The following AKR1E2 variants were observed in gnomAD, a reference collection of about 807,000 sequenced individuals.
The protein encoded by AKR1E2 is 1,5-anhydro-D-fructose reductase.
A neutral mutation model predicts 41.9 loss-of-function variants in AKR1E2; 43 were observed. The observed-to-expected ratio is 1.03, with a 90% CI of 0.80 to 1.32. AKR1E2 has a LOEUF of 1.32. Among genes scored for constraint, AKR1E2 ranks in the 40% most tolerant of loss-of-function variants. AKR1E2 has a pLI of 0.00. For synonymous variants in AKR1E2, 121 were observed against 138.9 expected (o/e 0.87, Z 0.91); for missense variants, 423 against 396.5 (o/e 1.07, Z -0.57).
At chr10:4,847,422 A>T (rs901182279) in intron 9 of AKR1E2, 66 bp from the exon 10 acceptor site, 9 of 1,585,108 alleles carry the variant, frequency 5.7e-6, no homozygotes, top group African/African-American at 1.4e-5. Flanking sequence ...TATACCATTT[A>T]AAATGTTTCT....
At chr10:4,861,559 G>A in the AKR1E2 span, among the ~76,000 whole-genome samples, 2 of 151,958 alleles carry the variant, frequency 1.3e-5, no homozygotes, top group Non-Finnish European at 2.9e-5. Flanking sequence ...ATTAGCGATG[G>A]GGTCTCACCA....
chr10:4,855,639 A>C, the AKR1E2 span, among the ~76,000 whole-genome samples: 1 of 152,202 alleles, frequency 6.6e-6, no homozygotes. Context: ...TGTAATGTTT[A>C]CATACGAAAG....
At chr10:4,843,458 T>C (rs75870775) in intron 8 of AKR1E2, among the ~76,000 whole-genome samples, 5,312 of 152,252 alleles carry the variant, frequency 0.035, 149 homozygotes, top group East Asian at 0.12. Context: ...CATGTCAGCA[T>C]AGGTGTGTGT....
intron 8 of AKR1E2, among the ~76,000 whole-genome samples, chr10:4,845,519 C>CTGCCAGCATGCTGTCA (rs1181525699): frequency 7.1e-6 from 1 of 140,550 alleles, no homozygotes; most frequent in African/African-American, 2.5e-5. Context: ...TCAATGGGGG[C>CTGCCAGCATGCTGTCA]CTGGCCTAAG....
At chr10:4,842,290 A>G (rs1464484898) in intron 7 of AKR1E2, 131 bp from the exon 8 acceptor site, 12 of 731,264 alleles carry the variant, frequency 1.6e-5, no homozygotes, top group Admixed American at 4.6e-5. Flanking sequence ...TGCTCAGTGA[A>G]TGCCAGTAAC....
At chr10:4,841,878 T>C (rs761903803) in intron 7 of AKR1E2, 21 bp downstream of exon 7, 1 of 1,608,684 alleles carries the variant, frequency 6.2e-7, no homozygotes, top group Non-Finnish European at 8.5e-7. Context: ...AGGGCTGTTC[T>C]GAGCCAGGTG....
At chr10:4,861,958 G>A in the AKR1E2 span, among the ~76,000 whole-genome samples, 1 of 152,028 alleles carries the variant, frequency 6.6e-6, no homozygotes, top group Non-Finnish European at 1.5e-5. Context: ...GTCAATTTTG[G>A]CTTTTGTTGC....
the AKR1E2 span, among the ~76,000 whole-genome samples, chr10:4,866,065 C>T: frequency 6.6e-6 from 1 of 152,178 alleles, no homozygotes; most frequent in South Asian, 2.1e-4. Context: ...AAGTTTCTGT[C>T]ATTCAGTTTC....
chr10:4,864,237 C>A, the AKR1E2 span, among the ~76,000 whole-genome samples: 1 of 152,096 alleles, frequency 6.6e-6, no homozygotes, highest in East Asian at 1.9e-4. Flanking sequence ...CCGAATCCAG[C>A]AGCACATCAA....
At chr10:4,840,448 G>A (rs1833786236) in intron 6 of AKR1E2, among the ~76,000 whole-genome samples, 1 of 152,192 alleles carries the variant, frequency 6.6e-6, no homozygotes, top group African/African-American at 2.4e-5. Context: ...CTCCCTCCCT[G>A]GCCCACTCCA....
chr10:4,855,886 A>T, the AKR1E2 span, among the ~76,000 whole-genome samples: 4 of 152,148 alleles, frequency 2.6e-5, no homozygotes, highest in African/African-American at 9.7e-5. Context: ...AAATTGTTCA[A>T]TTTACCTAGT....
At chr10:4,863,942 C>T in the AKR1E2 span, among the ~76,000 whole-genome samples, 2 of 152,162 alleles carry the variant, frequency 1.3e-5, no homozygotes, top group African/African-American at 4.8e-5. Context: ...ATACCAATAA[C>T]AGGCTCTGAA....
chr10:4,844,887 C>T (rs1033995456), intron 8 of AKR1E2, among the ~76,000 whole-genome samples: 6 of 152,210 alleles, frequency 3.9e-5, no homozygotes, highest in South Asian at 2.1e-4. Context: ...CAGGTGAAGG[C>T]GCCTGCCAGT....
downstream of AKR1E2, among the ~76,000 whole-genome samples, chr10:4,850,234 A>C (rs1434577767): frequency 6.6e-6 from 1 of 152,128 alleles, no homozygotes; most frequent in African/African-American, 2.4e-5. Flanking sequence ...GTGTGCCCTT[A>C]AGGGACCCTC....
At chr10:4,826,105 C>A, upstream of AKR1E2, 1 of 400,176 alleles carries the variant, frequency 2.5e-6, no homozygotes, top group Non-Finnish European at 4.4e-6. Context: ...ATCGGGGTGC[C>A]CGTCCTTAAT....
At position 4,842,465 on chromosome 10, in the gene AKR1E2, C is replaced by T. The variant is rs771162913; in HGVS notation, c.798C>T (p.Pro266=). Residue 266 remains proline, a synonymous_variant, in exon 8 of 10, where the codon CCC becomes CCT. Coordinates refer to ENST00000298375, the MANE Select transcript of AKR1E2 (RefSeq NM_001040177.3). The part of the protein sequence containing the change: ...FQIQRNVIVI[P]GSITPSHIKE... ...TCCAGAGGAATGTGATAGTGATCCC[C>T]GGATCTATCACCCCAAGTCACATTA... The T allele has an allele frequency of 2.0e-5, 32 of 1,613,984 alleles. No homozygotes were observed. The East Asian group carries it at 5.1e-4, about 26-fold the overall frequency.
At chr10:4,840,319 A>G (rs1337829115) in intron 6 of AKR1E2, among the ~76,000 whole-genome samples, 2 of 152,226 alleles carry the variant, frequency 1.3e-5, no homozygotes, top group East Asian at 1.9e-4. Flanking sequence ...ATCCAGCACC[A>G]AAATCTATTG....
At chr10:4,847,322 A>G (rs938955113) in intron 9 of AKR1E2, 92 bp downstream of exon 9, 3 of 1,583,390 alleles carry the variant, frequency 1.9e-6, no homozygotes, top group Non-Finnish European at 2.6e-6. Flanking sequence ...CACATTTTAG[A>G]TTAATTAAAC....
intron 1 of AKR1E2, among the ~76,000 whole-genome samples, chr10:4,828,148 A>G (rs12570641): frequency 0.035 from 5,311 of 152,342 alleles, 150 homozygotes; most frequent in East Asian, 0.11. Flanking sequence ...TCAGTGGTGT[A>G]CAGCAGCAAG....
Sources: gnomAD v4.1 joint callset for allele counts (sites outside exome capture counted in the v4.1 genomes callset) on GRCh38, gnomAD v4.1.1 for gene constraint, MANE v1.5 for transcripts, NCBI Gene and HGNC (gene_info 2026-07-23, HGNC 2026-07-21) for gene names.